Variants in ASAP1 observed in about 807,000 individuals in gnomAD.
ASAP1 encodes the protein ArfGAP with SH3 domain, ankyrin repeat and PH domain 1, also known as arf-GAP with SH3 domain, ANK repeat and PH domain-containing protein 1.
Under a neutral mutation model 145.2 loss-of-function variants are expected in ASAP1, and 43 were observed. The observed-to-expected ratio is 0.30, with a 90% CI of 0.23 to 0.38. The LOEUF (loss-of-function observed/expected upper bound fraction) is 0.38, where lower values mean the gene tolerates loss of function less well. ASAP1 is among the 10% of genes least tolerant of loss of function. The pLI is 1.00. For synonymous variants in ASAP1, 546 were observed against 515.5 expected (o/e 1.06, Z -0.80); for missense variants, 1,018 against 1,355.3 (o/e 0.75, Z 3.91).
At chr8:130,087,110 T>A (rs1289795064) in intron 25 of ASAP1, among the ~76,000 whole-genome samples, 2 of 152,116 alleles carry the variant, frequency 1.3e-5, no homozygotes, top group Non-Finnish European at 2.9e-5. Context: ...AGTGTGATCA[T>A]CAGCAGAGCC....
At chr8:130,070,830 GGA>G (rs1253763256) in intron 27 of ASAP1, among the ~76,000 whole-genome samples, 10 of 25,904 alleles carry the variant, frequency 3.9e-4, no homozygotes, top group Admixed American at 8.5e-4. Context: ...AGGGAGAGAG[GGA>G]GAGAGAGGGA....
At chr8:130,347,558 T>A (rs908862720) in intron 3 of ASAP1, among the ~76,000 whole-genome samples, 1 of 152,210 alleles carries the variant, frequency 6.6e-6, no homozygotes, top group Non-Finnish European at 1.5e-5. Flanking sequence ...GATCTGGGTA[T>A]AAACGGTGTG....
chr8:130,057,892 T>G, intron 29 of ASAP1, 62 bp downstream of exon 29: 1 of 1,598,312 alleles, frequency 6.3e-7, no homozygotes, highest in African/African-American at 1.3e-5. Flanking sequence ...GGCTCCAATG[T>G]GGTGCCTGCC....
chr8:130,207,932 G>C (rs1007894111), intron 5 of ASAP1, among the ~76,000 whole-genome samples: 3 of 152,186 alleles, frequency 2.0e-5, no homozygotes, highest in African/African-American at 7.2e-5. Flanking sequence ...GAGGACTGCA[G>C]ATCAGTTGGC....
chr8:130,228,565 G>A (rs995321295), intron 4 of ASAP1, among the ~76,000 whole-genome samples: 2 of 151,900 alleles, frequency 1.3e-5, no homozygotes, highest in African/African-American at 2.4e-5. Flanking sequence ...GCCAGGCATG[G>A]TAGCAAGTGC....
intron 1 of ASAP1, among the ~76,000 whole-genome samples, chr8:130,420,317 C>G (rs913050564): frequency 6.6e-6 from 1 of 151,428 alleles, no homozygotes; most frequent in African/African-American, 2.4e-5. Context: ...TGTAGAGAAA[C>G]TGGAACCCTC....
chr8:130,334,413 T>C (rs1352274035), intron 3 of ASAP1, among the ~76,000 whole-genome samples: 1 of 152,264 alleles, frequency 6.6e-6, no homozygotes, highest in Non-Finnish European at 1.5e-5. Flanking sequence ...GTTCTACTTG[T>C]GTTTCACATA....
intron 2 of ASAP1, among the ~76,000 whole-genome samples, chr8:130,393,176 G>A (rs753162222): frequency 3.9e-5 from 6 of 152,136 alleles, no homozygotes; most frequent in East Asian, 3.9e-4. Context: ...TGTTTGTAGC[G>A]GTTTACCATT....
At chr8:130,342,349 A>G (rs907392911) in intron 3 of ASAP1, among the ~76,000 whole-genome samples, 5 of 152,096 alleles carry the variant, frequency 3.3e-5, no homozygotes, top group African/African-American at 1.2e-4. Flanking sequence ...TACTTTCCAG[A>G]TTTTCTCCTC....
chr8:130,118,287 C>T (rs1375030931), intron 19 of ASAP1, 41 bp from the exon 20 acceptor site: 13 of 1,588,278 alleles, frequency 8.2e-6, no homozygotes, highest in Non-Finnish European at 1.1e-5. Flanking sequence ...CAATAATATG[C>T]TCTGCCAAGG....
chr8:130,055,911 T>C lies in ASAP1; in HGVS notation c.3316-1106A>G, dbSNP rs150185796. Among the ~76,000 whole-genome samples the C allele has an allele frequency of 4.6e-5, 7 of 152,342 alleles. No homozygotes were observed. The East Asian group carries it at 1.3e-3, about 29-fold the overall frequency. ...TTGGCATCATGCATGTGTGAGGTCTTTGTGAATTTCACATCACAGTTAGCA... is the reference window on the plus strand; with the variant it reads ...TTGGCATCATGCATGTGTGAGGTCTCTGTGAATTTCACATCACAGTTAGCA... On this transcript the variant is annotated intron_variant, in intron 29 of 29. Coordinates refer to ENST00000518721, the MANE Select transcript of ASAP1 (RefSeq NM_018482.4).
intron 1 of ASAP1, among the ~76,000 whole-genome samples, chr8:130,415,378 G>A (rs1252674419): frequency 1.3e-5 from 2 of 151,342 alleles, no homozygotes; most frequent in Admixed American, 6.6e-5. Flanking sequence ...TGAAGCAGGA[G>A]GATCACTTGA....
intron 3 of ASAP1, among the ~76,000 whole-genome samples, chr8:130,289,962 C>G (rs1821850477): frequency 6.6e-6 from 1 of 152,094 alleles, no homozygotes; most frequent in Non-Finnish European, 1.5e-5. Context: ...ATTTGGAATT[C>G]AGAACAGCAA....
intron 4 of ASAP1, among the ~76,000 whole-genome samples, chr8:130,228,039 T>G (rs951172167): frequency 1.3e-5 from 2 of 152,176 alleles, no homozygotes; most frequent in Non-Finnish European, 2.9e-5. Context: ...AACTCCCCTT[T>G]GGGTATAAAC....
intron 1 of ASAP1, among the ~76,000 whole-genome samples, chr8:130,413,061 G>A (rs1829332845): frequency 6.6e-6 from 1 of 152,216 alleles, no homozygotes; most frequent in Non-Finnish European, 1.5e-5. Context: ...AACAGGTATT[G>A]CTGTTTGATT....
intron 1 of ASAP1, among the ~76,000 whole-genome samples, chr8:130,426,974 C>T (rs563951051): frequency 2.8e-4 from 43 of 152,314 alleles, no homozygotes; most frequent in African/African-American, 9.9e-4. Flanking sequence ...TAGAATACCA[C>T]CGGCATGCAA....
At chr8:130,424,519 T>C (rs1178748919) in intron 1 of ASAP1, among the ~76,000 whole-genome samples, 2 of 152,234 alleles carry the variant, frequency 1.3e-5, no homozygotes, top group Non-Finnish European at 2.9e-5. Flanking sequence ...CGTTTGTTTT[T>C]GTTTTTTTTA....
intron 5 of ASAP1, among the ~76,000 whole-genome samples, chr8:130,207,236 C>T (rs1050628714): frequency 6.6e-6 from 1 of 151,982 alleles, no homozygotes; most frequent in Non-Finnish European, 1.5e-5. Context: ...AACAACAAAT[C>T]GTTTGTTATG....
At chr8:130,296,627 C>T (rs1357535489) in intron 3 of ASAP1, among the ~76,000 whole-genome samples, 2 of 151,618 alleles carry the variant, frequency 1.3e-5, no homozygotes, top group Admixed American at 6.6e-5. Context: ...TAACCTCCTT[C>T]AACCTCAGAT....
Sources: allele counts gnomAD v4.1 joint callset (sites outside exome capture counted in the v4.1 genomes callset), GRCh38; gene constraint gnomAD v4.1.1; transcripts MANE v1.5; gene names NCBI Gene and HGNC (gene_info 2026-07-23, HGNC 2026-07-21).